Variants in TPD52L2 observed in about 807,000 individuals in gnomAD.
TPD52L2 encodes tumor protein D54.
A neutral mutation model predicts 24.7 loss-of-function variants in TPD52L2; 19 were observed. The ratio of observed to expected loss-of-function variants is 0.77; its 90% CI spans 0.54 to 1.13. TPD52L2 has a LOEUF of 1.13. Among genes scored for constraint, TPD52L2 ranks in the 50% most tolerant of loss-of-function variants. The pLI, the probability that TPD52L2 is intolerant of heterozygous loss-of-function variation, is 0.00. For synonymous variants in TPD52L2, 104 were observed against 100.2 expected (o/e 1.04, Z -0.23); for missense variants, 236 against 250.4 (o/e 0.94, Z 0.39).
chr20:63,868,873 G>A (rs149337614), intron 1 of TPD52L2, among the ~76,000 whole-genome samples: 47 of 152,266 alleles, frequency 3.1e-4, no homozygotes, highest in Middle Eastern at 3.4e-3. Context: ...CCCGGGAGAC[G>A]GAGGTTGCAG....
At chr20:63,885,079 GT>G (rs912781003) in intron 5 of TPD52L2, among the ~76,000 whole-genome samples, 1 of 152,224 alleles carries the variant, frequency 6.6e-6, no homozygotes, top group African/African-American at 2.4e-5. Context: ...TGAAAATTGG[GT>G]TCTGGGAGGT....
At chr20:63,871,443 G>A (rs2146187853) in intron 2 of TPD52L2, among the ~76,000 whole-genome samples, 1 of 150,384 alleles carries the variant, frequency 6.6e-6, no homozygotes, top group African/African-American at 2.4e-5. Flanking sequence ...TCCACCTCCT[G>A]AGTTGAAGTG....
rs564857002 is a variant in TPD52L2, at chr20:63,886,463, C to T, written c.477-2727C>T. On this transcript the variant is annotated intron_variant, in intron 5 of 6. Coordinates refer to ENST00000346249, the MANE Select transcript of TPD52L2 (RefSeq NM_003288.4). Reference sequence around the variant, plus strand: ...GCAAGCTCCGCCTCCCGGGTTCACGCCATTCTCCTGCCTCAGCCTCTCCGA... The same window carrying T: ...GCAAGCTCCGCCTCCCGGGTTCACGTCATTCTCCTGCCTCAGCCTCTCCGA... Among the ~76,000 whole-genome samples the T allele has an allele frequency of 3.5e-3, 538 of 151,756 alleles. 4 individuals are homozygous for T. The highest frequency in any genetic ancestry group is 5.6e-3 in the Non-Finnish European group (380 of 67,986).
chr20:63,872,678 A>G (rs1003338000), intron 2 of TPD52L2, among the ~76,000 whole-genome samples: 5 of 145,080 alleles, frequency 3.4e-5, no homozygotes, highest in Non-Finnish European at 6.1e-5. Context: ...GTGCCCGGCC[A>G]GGGTCTTCAC....
chr20:63,876,563 G>C (rs906982975), intron 4 of TPD52L2: 2 of 356,000 alleles, frequency 5.6e-6, no homozygotes, highest in Non-Finnish European at 1.1e-5. Context: ...AACTGAGGAG[G>C]GGAATATTTT....
chr20:63,871,457 C>G (rs2052461415), intron 2 of TPD52L2, among the ~76,000 whole-genome samples: 1 of 151,232 alleles, frequency 6.6e-6, no homozygotes, highest in Admixed American at 6.6e-5. Flanking sequence ...TGAAGTGATT[C>G]TCTTGCCTCA....
intron 4 of TPD52L2, chr20:63,876,805 G>A (rs1197530378): frequency 8.8e-6 from 4 of 455,824 alleles, no homozygotes; most frequent in African/African-American, 4.0e-5. Context: ...TTCTCGGCAT[G>A]TTGCCCCGGG....
chr20:63,885,719 C>T (rs557751607), intron 5 of TPD52L2, among the ~76,000 whole-genome samples: 12 of 152,296 alleles, frequency 7.9e-5, no homozygotes, highest in African/African-American at 1.2e-4. Flanking sequence ...GGGCATAAGG[C>T]GTGGACAGGG....
rs377408582 is a variant in TPD52L2 at position 63,865,311 on chromosome 20, G to T, written c.-55G>T. On this transcript the variant is annotated 5_prime_UTR_variant, in exon 1 of 7. Coordinates refer to ENST00000346249, the MANE Select transcript of TPD52L2 (RefSeq NM_003288.4). ...GTGTACGCGGCGAGCTTCTCCCGGCGCCGCCCGCTCGGCTCCCATAGCGCC... is the reference window on the plus strand; with the variant it reads ...GTGTACGCGGCGAGCTTCTCCCGGCTCCGCCCGCTCGGCTCCCATAGCGCC... 1.3e-5 allele frequency: 20 copies of T among 1,496,776 alleles called. No individual in the cohort carries two copies. The highest frequency in any genetic ancestry group is 1.7e-5 in the Non-Finnish European group (19 of 1,129,162). The allele number at this position is 1,496,776 out of a possible 1,614,324, so 92.7% of individuals were successfully genotyped here. A position where few individuals can be genotyped will look rare whatever the true frequency, so the allele number is the denominator to read the frequency against.
intron 4 of TPD52L2, 66 bp downstream of exon 4, chr20:63,875,941 AG>A: frequency 6.6e-7 from 1 of 1,518,990 alleles, no homozygotes; most frequent in South Asian, 1.1e-5. Flanking sequence ...CAGTCGGGGA[AG>A]GGGGCTGTGC....
chr20:63,884,949 C>T (rs531690820), intron 5 of TPD52L2, among the ~76,000 whole-genome samples: 5 of 152,324 alleles, frequency 3.3e-5, no homozygotes, highest in South Asian at 4.1e-4. Flanking sequence ...GGAACTCTGA[C>T]GTCTGGAGCC....
Position 63,889,947 on chromosome 20 carries a change from C to T in TPD52L2, c.*2C>T. 1 of 1,614,082 alleles carries T rather than the reference C, an allele frequency of 6.2e-7. No individual in the cohort carries two copies. The highest frequency in any genetic ancestry group is 8.5e-7 in the Non-Finnish European group (1 of 1,180,030). ...CTGTCGGATCCCGCACCTTTCTAAG[C>T]CTGTGGTTGCTTCACCCGCTGCAGA... On this transcript the variant is annotated 3_prime_UTR_variant, in exon 7 of 7. Transcript: ENST00000346249.
At position 63,889,893 on chromosome 20, in the gene TPD52L2, C is replaced by T; in HGVS notation, c.569C>T (p.Pro190Leu). The T allele has an allele frequency of 6.2e-7, 1 of 1,614,196 alleles. No individual in the cohort carries two copies. Among genetic ancestry groups the T allele is most frequent in the Non-Finnish European group, 8.5e-7 (1 of 1,180,032 alleles). ...AGAGAGAACGGCAGTGACAACCTCC[C>T]TTCCTCAGCGGGGAGTGGTGACAAG... ...GDRENGSDNLPSSAGSGDKPL... is the reference protein window; with the variant it reads ...GDRENGSDNLLSSAGSGDKPL... Residue 190 changes from proline to leucine, a missense_variant, in exon 7 of 7, where the codon CCT becomes CTT. Pro to Leu is a moderately conservative substitution (Grantham distance 98). Transcript: ENST00000346249.
chr20:63,889,331 C>T (rs1466813991), intron 6 of TPD52L2, 93 bp downstream of exon 6: 2 of 1,115,194 alleles, frequency 1.8e-6, no homozygotes, highest in Admixed American at 1.9e-5. Flanking sequence ...GGTAGACTCA[C>T]ATACAGTTGT....
intron 3 of TPD52L2, among the ~76,000 whole-genome samples, chr20:63,874,307 C>G (rs1437579346): frequency 6.6e-6 from 1 of 150,692 alleles, no homozygotes; most frequent in Non-Finnish European, 1.5e-5. Flanking sequence ...GTCTTGAACT[C>G]CTGACCTTGT....
rs1600845457 is a variant in TPD52L2, at chr20:63,888,929, C to T, written c.477-261C>T. 1.1e-5 allele frequency: 6 copies of T among 560,270 alleles called. No homozygotes were observed. In the East Asian group the frequency reaches 1.7e-4, roughly 16 times the overall value. 34.7% of individuals were successfully genotyped at this position (560,270 alleles called of 1,614,324 possible). A position where few individuals can be genotyped will look rare whatever the true frequency, so the allele number is the denominator to read the frequency against. On this transcript the variant is annotated intron_variant, in intron 5 of 6. Coordinates refer to ENST00000346249, the MANE Select transcript of TPD52L2 (RefSeq NM_003288.4). ...GTATGACAGAGAGGGGCCGACATCT[C>T]CCCAGCTGCACAGTCAAGGGGTTTC... is the stretch of plus-strand genomic sequence containing the variant.
At position 63,865,279 on chromosome 20, in the gene TPD52L2, G is replaced by T; in HGVS notation, c.-87G>T. The stretch of plus-strand genomic sequence containing the variant: ...GCCGCGGAGCTGAGGCAGTTCCGCT[G>T]GCTAGTGTGTACGCGGCGAGCTTCT... On this transcript the variant is annotated 5_prime_UTR_variant, in exon 1 of 7. Coordinates refer to ENST00000346249, the MANE Select transcript of TPD52L2 (RefSeq NM_003288.4). 7.0e-7 allele frequency: 1 copy of T among 1,430,686 alleles called. No individual in the cohort carries two copies. 88.6% of individuals were successfully genotyped at this position (1,430,686 alleles called of 1,614,324 possible). A position where few individuals can be genotyped will look rare whatever the true frequency, so the allele number is the denominator to read the frequency against.
chr20:63,867,428 T>C (rs1568935300), intron 1 of TPD52L2, among the ~76,000 whole-genome samples: 1 of 151,980 alleles, frequency 6.6e-6, no homozygotes, highest in East Asian at 1.9e-4. Context: ...TAACCGGGCA[T>C]GGTGGTGTGC....
intron 2 of TPD52L2, among the ~76,000 whole-genome samples, chr20:63,873,334 A>G (rs1399231507): frequency 1.3e-5 from 2 of 151,796 alleles, no homozygotes; most frequent in African/African-American, 2.4e-5. Context: ...TACTAAAAAT[A>G]CAAAATTAGC....
Sources: gnomAD v4.1 joint callset for allele counts (sites outside exome capture counted in the v4.1 genomes callset) on GRCh38, gnomAD v4.1.1 for gene constraint, MANE v1.5 for transcripts, NCBI Gene and HGNC (gene_info 2026-07-23, HGNC 2026-07-21) for gene names.